PDE1C: variants seen among roughly 807,000 people sequenced by gnomAD.
PDE1C encodes dual specificity calcium/calmodulin-dependent 3',5'-cyclic nucleotide phosphodiesterase 1C.
A neutral mutation model predicts 93.1 loss-of-function variants in PDE1C; 62 were observed. The ratio of observed to expected loss-of-function variants is 0.67; its 90% confidence interval spans 0.54 to 0.82. The LOEUF (loss-of-function observed/expected upper bound fraction) is 0.82. Ranked by LOEUF, PDE1C falls within the 40% of genes least tolerant of loss-of-function variation. The pLI, the probability that PDE1C is intolerant of heterozygous loss-of-function variation, is 0.00. For synonymous variants in PDE1C, 325 were observed against 310.1 expected (o/e 1.05, Z -0.50); for missense variants, 742 against 884.6 (o/e 0.84, Z 2.04).
chr7:31,998,210 A>C (rs56797614), intron 2 of PDE1C, among the ~76,000 whole-genome samples: 110 of 151,914 alleles, frequency 7.2e-4, no homozygotes, highest in African/African-American at 2.6e-3. Flanking sequence ...TAGTAGAGAC[A>C]GGGTTTCACC....
intron 2 of PDE1C, among the ~76,000 whole-genome samples, chr7:31,991,313 C>T (rs546900966): frequency 8.5e-5 from 13 of 152,212 alleles, no homozygotes; most frequent in Non-Finnish European, 1.3e-4. Flanking sequence ...TGATGTAAAA[C>T]GAGGTTAGGC....
At chr7:32,283,216 G>A (rs1811787530) in intron 1 of PDE1C, among the ~76,000 whole-genome samples, 2 of 152,040 alleles carry the variant, frequency 1.3e-5, no homozygotes, top group African/African-American at 4.8e-5. Context: ...CTGTGATGAA[G>A]AAGAATATTC....
At chr7:31,934,292 T>C (rs754797345) in intron 2 of PDE1C, among the ~76,000 whole-genome samples, 7 of 152,196 alleles carry the variant, frequency 4.6e-5, no homozygotes, top group Non-Finnish European at 8.8e-5. Flanking sequence ...CAAAAAATGA[T>C]TCAGTTTTTT....
intron 1 of PDE1C, among the ~76,000 whole-genome samples, chr7:32,308,248 T>G (rs1259382177): frequency 1.3e-5 from 2 of 152,224 alleles, no homozygotes. Context: ...TCAAACTGGG[T>G]GGAGCCCACC....
At chr7:32,089,129 G>A (rs889259298) in intron 3 of PDE1C, among the ~76,000 whole-genome samples, 1 of 152,130 alleles carries the variant, frequency 6.6e-6, no homozygotes. Flanking sequence ...AGGGCATATC[G>A]CAAAGTCTCT....
At chr7:32,105,827 G>C (rs532401836) in intron 3 of PDE1C, among the ~76,000 whole-genome samples, 1 of 151,528 alleles carries the variant, frequency 6.6e-6, no homozygotes, top group African/African-American at 2.4e-5. Flanking sequence ...CACCTGGTCT[G>C]GAAAATTTTT....
upstream of PDE1C, among the ~76,000 whole-genome samples, chr7:32,303,514 T>G (rs924705185): frequency 6.6e-6 from 1 of 152,172 alleles, no homozygotes; most frequent in Non-Finnish European, 1.5e-5. Context: ...CAGTTCCTCT[T>G]CAGCTGTCAC....
chr7:32,177,827 T>C (rs1349156733), intron 2 of PDE1C, among the ~76,000 whole-genome samples: 2 of 152,138 alleles, frequency 1.3e-5, no homozygotes, highest in Non-Finnish European at 2.9e-5. Context: ...TCAATGTCAG[T>C]CACCTCCTGA....
At chr7:32,081,872 A>G (rs10231487) in intron 3 of PDE1C, among the ~76,000 whole-genome samples, 95,168 of 152,070 alleles carry the variant, frequency 0.63, 30,158 homozygotes, top group African/African-American at 0.71. Flanking sequence ...GAAAATGTGG[A>G]GAAAAATTCA....
chr7:32,088,993 T>A (rs11760533), intron 3 of PDE1C, among the ~76,000 whole-genome samples: 18,665 of 152,178 alleles, frequency 0.12, 1,307 homozygotes, highest in East Asian at 0.34. Flanking sequence ...CTGGGACCCA[T>A]GGCTGACATA....
intron 2 of PDE1C, among the ~76,000 whole-genome samples, chr7:31,990,752 A>G (rs1023528448): frequency 2.0e-5 from 3 of 152,226 alleles, no homozygotes; most frequent in Non-Finnish European, 4.4e-5. Context: ...AAGGGTTACT[A>G]TGAAACTTAA....
intron 16 of PDE1C, chr7:31,789,052 A>G (rs1273469587): frequency 2.0e-5 from 3 of 152,126 alleles, no homozygotes; most frequent in African/African-American, 7.2e-5. Flanking sequence ...TCTTTCTATT[A>G]CTAATCCCCA....
intron 3 of PDE1C, among the ~76,000 whole-genome samples, chr7:32,166,923 T>C (rs1010783797): frequency 4.6e-5 from 7 of 152,208 alleles, no homozygotes; most frequent in Admixed American, 6.5e-5. Context: ...TGCTGCTGCA[T>C]TGGAGACCAG....
intron 1 of PDE1C, among the ~76,000 whole-genome samples, chr7:32,386,777 G>A (rs867871126): frequency 2.6e-5 from 4 of 151,634 alleles, no homozygotes; most frequent in Non-Finnish European, 4.4e-5. Flanking sequence ...AGCCCAACCA[G>A]GCACACACAG....
At chr7:32,007,016 A>G (rs895374788) in intron 2 of PDE1C, among the ~76,000 whole-genome samples, 2 of 152,206 alleles carry the variant, frequency 1.3e-5, no homozygotes, top group African/African-American at 4.8e-5. Context: ...TCTTTGGTGT[A>G]ATCATAGTCC....
intron 6 of PDE1C, among the ~76,000 whole-genome samples, chr7:31,871,037 C>T (rs1013070974): frequency 5.7e-4 from 87 of 151,620 alleles, no homozygotes; most frequent in African/African-American, 1.8e-3. Context: ...AACAGACACA[C>T]AGTCCAATGG....
intron 3 of PDE1C, among the ~76,000 whole-genome samples, chr7:32,156,716 ATC>A (rs1274836942): frequency 6.6e-6 from 1 of 152,254 alleles, no homozygotes; most frequent in African/African-American, 2.4e-5. Flanking sequence ...ACAGTCAAAT[ATC>A]ATCCAATACA....
At chr7:31,947,263 T>G (rs1806745080) in intron 2 of PDE1C, among the ~76,000 whole-genome samples, 1 of 152,212 alleles carries the variant, frequency 6.6e-6, no homozygotes, top group African/African-American at 2.4e-5. Flanking sequence ...ATCTGTAGCT[T>G]GGAGAGTAAT....
intron 11 of PDE1C, among the ~76,000 whole-genome samples, chr7:31,833,160 G>A (rs1790640128): frequency 6.6e-6 from 1 of 152,162 alleles, no homozygotes; most frequent in South Asian, 2.1e-4. Context: ...CTTTCACTTG[G>A]TTCTCATGCT....
Sources: allele counts gnomAD v4.1 joint callset (sites outside exome capture counted in the v4.1 genomes callset), GRCh38; gene constraint gnomAD v4.1.1; transcripts MANE v1.5; gene names NCBI Gene and HGNC (gene_info 2026-07-23, HGNC 2026-07-21).